DPP6: variants seen among roughly 807,000 people sequenced by gnomAD.
The protein encoded by DPP6 is dipeptidyl peptidase like 6.
A neutral mutation model predicts 122.6 loss-of-function variants in DPP6; 69 were observed. That is an observed-to-expected ratio of 0.56 (90% CI 0.46 to 0.69). The LOEUF (loss-of-function observed/expected upper bound fraction) is 0.69, where lower values mean the gene tolerates loss of function less well. DPP6 is among the 30% of genes least tolerant of loss of function. The probability of loss-of-function intolerance (pLI) is 0.00; values close to 1 mark genes in which losing one functional copy is unlikely to be tolerated. For missense variants in DPP6, 928 were observed against 1,116.9 expected (o/e 0.83, Z 2.41); for synonymous variants, 418 against 433.1 (o/e 0.97, Z 0.43).
intron 2 of DPP6, among the ~76,000 whole-genome samples, chr7:154,448,261 CA>C (rs1820056395): frequency 6.6e-6 from 1 of 152,094 alleles, no homozygotes; most frequent in African/African-American, 2.4e-5. Context: ...ATGCAAAAAT[CA>C]TTTGCATTTT....
At chr7:154,549,380 G>A (rs896943375) in intron 4 of DPP6, among the ~76,000 whole-genome samples, 5 of 152,182 alleles carry the variant, frequency 3.3e-5, no homozygotes, top group African/African-American at 4.8e-5. Context: ...AAATGCCTAC[G>A]TGCAAGACAA....
At position 154,378,244 on chromosome 7, in the gene DPP6, A is replaced by G. The variant is rs75333618; in HGVS notation, c.244-67970A>G. On this transcript the variant is annotated intron_variant, in intron 1 of 25. Coordinates refer to ENST00000377770, the MANE Select transcript of DPP6 (RefSeq NM_130797.4). ...CTATTGCCAGACATTTGCTGTCTCC[A>G]TATCTTACTCTATACATGAAAGCAG... Among the ~76,000 whole-genome samples the G allele has an allele frequency of 2.0e-4, 31 of 152,332 alleles. No individual in the cohort carries two copies. The East Asian group carries it at 5.4e-3, about 27-fold the overall frequency.
intron 5 of DPP6, among the ~76,000 whole-genome samples, chr7:154,572,510 CTTTTTTTTTTTTTTTT>C (rs77816407): frequency 2.3e-5 from 2 of 86,140 alleles, no homozygotes; most frequent in South Asian, 3.9e-4. Context: ...TTTTTCTTTT[CTTTTTTTTTTTTTTTT>C]TTTTTTTTTT....
rs1463914386 is a variant in DPP6 at position 154,178,837 on chromosome 7, T to C, written c.243+125774T>C. 5.3e-5 allele frequency among the ~76,000 whole-genome samples: 8 copies of C among 152,086 alleles called. No individual in the cohort carries two copies. The South Asian group carries it at 1.5e-3, about 28-fold the overall frequency. ...AGAGGCAGCAGGAGGAGGAACAGCC[T>C]CAGATGGGGGAGAGAGGAGAAGTTG... On this transcript the variant is annotated intron_variant, in intron 1 of 25. Transcript: ENST00000377770.
intron 16 of DPP6, among the ~76,000 whole-genome samples, chr7:154,838,201 C>T (rs1391018112): frequency 6.6e-6 from 1 of 152,192 alleles, no homozygotes; most frequent in Non-Finnish European, 1.5e-5. Context: ...CTAAGAGCTT[C>T]CAGCTAGACG....
chr7:154,841,593 C>CT (rs377260226), intron 16 of DPP6, among the ~76,000 whole-genome samples: 8 of 151,066 alleles, frequency 5.3e-5, no homozygotes, highest in Admixed American at 2.0e-4. Context: ...CTCTTTTCTT[C>CT]TTTTTTTTAT....
chr7:154,620,012 T>C (rs115313875), intron 5 of DPP6, among the ~76,000 whole-genome samples: 70 of 152,274 alleles, frequency 4.6e-4, no homozygotes, highest in African/African-American at 1.7e-3. Context: ...CTGATGCAGG[T>C]AATCTGGGGT....
intron 17 of DPP6, among the ~76,000 whole-genome samples, chr7:154,867,569 G>T (rs1803991614): frequency 6.6e-6 from 1 of 152,216 alleles, no homozygotes; most frequent in South Asian, 2.1e-4. Context: ...TAATAAAGAT[G>T]ATACCCTAGT....
At chr7:154,147,707 C>T (rs1479052260) in intron 1 of DPP6, among the ~76,000 whole-genome samples, 1 of 150,268 alleles carries the variant, frequency 6.7e-6, no homozygotes, top group Non-Finnish European at 1.5e-5. Context: ...CAAACACATA[C>T]CTATATATAT....
At chr7:154,838,700 G>A (rs1486248461) in intron 16 of DPP6, 1 of 152,234 alleles carries the variant, frequency 6.6e-6, no homozygotes, top group Non-Finnish European at 1.5e-5. Context: ...ATAACGGGAG[G>A]CTTTGTGTGT....
chr7:154,341,251 C>T (rs1185819747), intron 1 of DPP6, among the ~76,000 whole-genome samples: 1 of 152,108 alleles, frequency 6.6e-6, no homozygotes, highest in African/African-American at 2.4e-5. Flanking sequence ...ATTCCTGCAG[C>T]TCTTTCCTTG....
intron 1 of DPP6, among the ~76,000 whole-genome samples, chr7:154,279,504 G>A (rs963917135): frequency 6.6e-6 from 1 of 152,156 alleles, no homozygotes; most frequent in Non-Finnish European, 1.5e-5. Flanking sequence ...CTGGAACATA[G>A]GCATCTCAGT....
At chr7:154,865,345 G>A (rs946500616) in intron 17 of DPP6, 1 of 152,260 alleles carries the variant, frequency 6.6e-6, no homozygotes, top group Non-Finnish European at 1.5e-5. Flanking sequence ...TCAGCAGGCA[G>A]AGGAGCAGAG....
intron 1 of DPP6, among the ~76,000 whole-genome samples, chr7:154,243,632 A>G (rs1182517642): frequency 6.6e-6 from 1 of 152,018 alleles, no homozygotes; most frequent in Non-Finnish European, 1.5e-5. Context: ...CGTCTCTACT[A>G]AAAGTACAAA....
At chr7:154,452,793 T>C (rs1442218342) in intron 2 of DPP6, among the ~76,000 whole-genome samples, 4 of 152,348 alleles carry the variant, frequency 2.6e-5, no homozygotes, top group African/African-American at 9.6e-5. Flanking sequence ...ACAAGGCATC[T>C]TGTCCTGGAG....
rs142210760 is a variant in DPP6 at position 154,863,864 on chromosome 7, T to TAAAC, written c.1715-4129_1715-4126dup. ...GATTTCCAGTTAAGGTGAGTAAGTT[T>TAAAC]AAACAGTAGTCATGCGGGCTCTGGG... is the stretch of plus-strand genomic sequence containing the variant. On this transcript the variant is annotated intron_variant, in intron 17 of 25. Transcript: ENST00000377770. This position sits in a 1 kb window ranked among gnomAD's most constrained non-coding sequence, Gnocchi z 4.1. Among the ~76,000 whole-genome samples the TAAAC allele has an allele frequency of 9.1e-3, 1,390 of 152,160 alleles. 25 individuals are homozygous for TAAAC. The highest frequency in any genetic ancestry group is 0.03 in the African/African-American group (1,254 of 41,510).
At chr7:154,512,784 G>T (rs1826192196) in intron 3 of DPP6, among the ~76,000 whole-genome samples, 1 of 152,136 alleles carries the variant, frequency 6.6e-6, no homozygotes, top group Non-Finnish European at 1.5e-5. Flanking sequence ...CAGAGCTGTA[G>T]ATGAATAAAT....
chr7:154,792,777 G>A lies in DPP6; in HGVS notation c.1137-1302G>A, dbSNP rs186664853. ...CACGAGAGCTGGATTACAGCTGAGC[G>A]CCCCTCCTGTGTTCACGGGTTATGT... On this transcript the variant is annotated intron_variant, in intron 10 of 25. Coordinates refer to ENST00000377770, the MANE Select transcript of DPP6 (RefSeq NM_130797.4). Among the ~76,000 whole-genome samples, 8 of 152,308 alleles carry A rather than the reference G, an allele frequency of 5.3e-5. No homozygotes were observed. In the East Asian group the frequency reaches 1.4e-3, roughly 26 times the overall value.
chr7:154,863,344 A>AT lies in DPP6; in HGVS notation c.1715-4636dup, dbSNP rs36007704. On this transcript the variant is annotated intron_variant, in intron 17 of 25. Coordinates refer to ENST00000377770, the MANE Select transcript of DPP6 (RefSeq NM_130797.4). This position sits in a 1 kb window ranked among gnomAD's most constrained non-coding sequence, Gnocchi z 4.1. ...CAAGATTCTACAATCCTTTCATAGG[A>AT]TTTTTTTTTTTTTTTGAGATGGGGG... is the stretch of plus-strand genomic sequence containing the variant. 0.14 allele frequency among the ~76,000 whole-genome samples: 19,918 copies of AT among 141,422 alleles called. 1,618 individuals are homozygous for AT. Among genetic ancestry groups the AT allele is most frequent in the East Asian group, 0.45 (2,066 of 4,630 alleles). The allele number at this position is 141,422 out of a possible 152,430, so 92.8% of individuals were successfully genotyped here.
Sources: gnomAD v4.1 joint callset for allele counts (sites outside exome capture counted in the v4.1 genomes callset) on GRCh38, gnomAD v4.1.1 for gene constraint, Gnocchi (gnomAD v3.1) non-coding constraint, MANE v1.5 for transcripts, NCBI Gene and HGNC (gene_info 2026-07-23, HGNC 2026-07-21) for gene names.